C12orf60: variants seen among roughly 807,000 people sequenced by gnomAD.
C12orf60 encodes the protein uncharacterized protein C12orf60.
For missense variants in C12orf60, 284 were observed against 283.2 expected, an observed-to-expected ratio of 1.00 and a Z score of -0.02; for synonymous variants, 102 against 94.6, an observed-to-expected ratio of 1.08 and a Z score of -0.45.
chr12:14,823,185 G>T lies in C12orf60; in HGVS notation c.250G>T (p.Glu84Ter), dbSNP rs1198207301. 6.2e-7 allele frequency: 1 copy of T among 1,614,106 alleles called. No individual in the cohort carries two copies. ...TGCAAGACATGACAAAATTCAAAAGGAGTCTTTATGTTCCAAGGTTGCAAT... is the reference window on the plus strand; with the variant it reads ...TGCAAGACATGACAAAATTCAAAAGTAGTCTTTATGTTCCAAGGTTGCAAT... ...VDARHDKIQK[E>*]SLCSKVAMAM... Residue 84 changes from glutamate to a stop codon, truncating the protein, a stop_gained, in exon 2 of 2, where the codon GAG becomes TAG. Transcript: ENST00000330828. LOFTEE classifies it low-confidence loss of function (END_TRUNC).
intron 1 of C12orf60, among the ~76,000 whole-genome samples, chr12:14,818,624 A>G (rs976335888): frequency 1.3e-5 from 2 of 152,018 alleles, no homozygotes; most frequent in Admixed American, 1.3e-4. Context: ...ACTAAAATAC[A>G]AAAAATTTAG....
rs771154364 is a variant in C12orf60, at chr12:14,806,346, A to T, written c.-25+2595A>T. The stretch of plus-strand genomic sequence containing the variant: ...GATGACCGAAATAACCTTTTGCACT[A>T]TTGCAATTTTGTCTGTTTCCTTTTC... On this transcript the variant is annotated intron_variant, in intron 1 of 1. Transcript: ENST00000330828. 2.0e-5 allele frequency: 33 copies of T among 1,613,558 alleles called. No homozygotes were observed. The South Asian group carries it at 3.1e-4, about 15-fold the overall frequency.
chr12:14,823,103 T>C lies in C12orf60; in HGVS notation c.168T>C (p.Ile56=), dbSNP rs1178119753. 1 of 1,614,132 alleles carries C rather than the reference T, an allele frequency of 6.2e-7. No homozygotes were observed. The highest frequency in any genetic ancestry group is 1.1e-5 in the South Asian group (1 of 91,078). The stretch of plus-strand genomic sequence containing the variant: ...TGGCTGTGAAAAACAATAGTTACAT[T>C]AAGGATTTTTTTGAGCAAATGCTCA... The part of the protein sequence containing the change: ...LLMAVKNNSY[I]KDFFEQMLKI... Residue 56 remains isoleucine (I), a synonymous_variant, in exon 2 of 2, where the codon ATT becomes ATC. Coordinates refer to ENST00000330828, the MANE Select transcript of C12orf60 (RefSeq NM_175874.4).
At chr12:14,804,639 A>G (rs989870679) in intron 1 of C12orf60, 1 of 152,214 alleles carries the variant, frequency 6.6e-6, no homozygotes, top group African/African-American at 2.4e-5. Context: ...AAAAGAAAAT[A>G]ATCTTGAACT....
At chr12:14,806,624 A>T in intron 1 of C12orf60, 1 of 1,612,972 alleles carries the variant, frequency 6.2e-7, no homozygotes, top group Non-Finnish European at 8.5e-7. Context: ...GGTGAAGACG[A>T]TTTACTTCTT....
chr12:14,805,165 T>C (rs1476257747), intron 1 of C12orf60: 1 of 152,266 alleles, frequency 6.6e-6, no homozygotes, highest in Non-Finnish European at 1.5e-5. Context: ...TCTGAAAGCT[T>C]ATAATAAATT....
intron 1 of C12orf60, among the ~76,000 whole-genome samples, chr12:14,819,209 A>G (rs2137281988): frequency 6.6e-6 from 1 of 152,096 alleles, no homozygotes; most frequent in South Asian, 2.1e-4. Flanking sequence ...GATTTTTTTT[A>G]CTTCAGAATT....
At chr12:14,818,271 C>T (rs1167888070) in intron 1 of C12orf60, among the ~76,000 whole-genome samples, 1 of 152,144 alleles carries the variant, frequency 6.6e-6, no homozygotes, top group African/African-American at 2.4e-5. Flanking sequence ...TGTAAGTTGC[C>T]TGTTCACTCT....
At chr12:14,803,792 A>G (rs966350928) in intron 1 of C12orf60, 41 bp downstream of exon 1, 3 of 300,812 alleles carry the variant, frequency 1.0e-5, no homozygotes, top group African/African-American at 2.2e-5. Flanking sequence ...CTGCAGATAA[A>G]GAAGCGTTCT....
intron 1 of C12orf60, among the ~76,000 whole-genome samples, chr12:14,813,569 C>CG (rs1950173197): frequency 2.0e-5 from 3 of 152,240 alleles, no homozygotes; most frequent in Non-Finnish European, 4.4e-5. Context: ...GAAGCCTCTA[C>CG]TGTGTCCCTT....
chr12:14,812,166 C>G (rs754371570), intron 1 of C12orf60, among the ~76,000 whole-genome samples: 5 of 152,198 alleles, frequency 3.3e-5, no homozygotes. Flanking sequence ...AATATTTGGC[C>G]GGGCGTGGTG....
intron 1 of C12orf60, among the ~76,000 whole-genome samples, chr12:14,807,878 A>G (rs1221718268): frequency 2.6e-5 from 4 of 152,182 alleles, no homozygotes; most frequent in Non-Finnish European, 5.9e-5. Context: ...GTATTAAAGA[A>G]TAAGGGGCCG....
At position 14,823,965 on chromosome 12, in the gene C12orf60, T is replaced by C. The variant is rs1184321937; in HGVS notation, c.*292T>C. On this transcript the variant is annotated 3_prime_UTR_variant, in exon 2 of 2. Transcript: ENST00000330828. ...TATTGTGTTTCATCTTAAAGCATAA[T>C]TAAAACAACCCTAAAGTAGTTCCCA... 3 of 196,934 alleles carry C rather than the reference T, an allele frequency of 1.5e-5. No homozygotes were observed. The East Asian group carries it at 3.7e-4, about 24-fold the overall frequency. The allele number at this position is 196,934 out of a possible 1,614,324, so 12.2% of individuals were successfully genotyped here. A position where few individuals can be genotyped will look rare whatever the true frequency, so the allele number is the denominator to read the frequency against.
At chr12:14,805,748 G>C (rs1214734404) in intron 1 of C12orf60, 1 of 457,052 alleles carries the variant, frequency 2.2e-6, no homozygotes, top group Non-Finnish European at 3.9e-6. Context: ...ATGTTGATCT[G>C]GTAGAGCAGG....
chr12:14,824,028 A>C lies in C12orf60; in HGVS notation c.*355A>C, dbSNP rs1950345725. On this transcript the variant is annotated 3_prime_UTR_variant, in exon 2 of 2. Coordinates refer to ENST00000330828, the MANE Select transcript of C12orf60 (RefSeq NM_175874.4). Reference sequence around the variant, plus strand: ...CTATTTCCAGTGAGAAATCCAGGTAAACTGTAAATATTATCATTAGATAGA... The same window carrying C: ...CTATTTCCAGTGAGAAATCCAGGTACACTGTAAATATTATCATTAGATAGA... 1 of 158,198 alleles carries C rather than the reference A, an allele frequency of 6.3e-6. No homozygotes were observed. Among genetic ancestry groups the C allele is most frequent in the South Asian group, 2.0e-4 (1 of 5,062 alleles). The allele number at this position is 158,198 out of a possible 1,614,324, so 9.8% of individuals were successfully genotyped here.
intron 1 of C12orf60, among the ~76,000 whole-genome samples, chr12:14,817,905 T>C (rs1365554642): frequency 6.6e-6 from 1 of 152,204 alleles, no homozygotes; most frequent in African/African-American, 2.4e-5. Context: ...GGAATTGCCA[T>C]ACTATCTTCC....
At chr12:14,812,775 A>T (rs1950161141) in intron 1 of C12orf60, among the ~76,000 whole-genome samples, 1 of 152,004 alleles carries the variant, frequency 6.6e-6, no homozygotes, top group Non-Finnish European at 1.5e-5. Flanking sequence ...TTTATTTTAG[A>T]TTCAGGAGGT....
At chr12:14,810,337 A>G (rs1284467079) in intron 1 of C12orf60, among the ~76,000 whole-genome samples, 5 of 152,212 alleles carry the variant, frequency 3.3e-5, no homozygotes, top group African/African-American at 1.2e-4. Context: ...GGGGATTGAA[A>G]GTGAAACCAT....
At chr12:14,822,327 A>G (rs1006760079) in intron 1 of C12orf60, among the ~76,000 whole-genome samples, 2 of 151,718 alleles carry the variant, frequency 1.3e-5, no homozygotes, top group Non-Finnish European at 2.9e-5. Context: ...GACAACAACA[A>G]CAACAACAAC....
Sources: allele counts gnomAD v4.1 joint callset (sites outside exome capture counted in the v4.1 genomes callset), GRCh38; gene constraint gnomAD v4.1.1; transcripts MANE v1.5; gene names NCBI Gene and HGNC (gene_info 2026-07-23, HGNC 2026-07-21).